TSPEAR: variants seen among roughly 807,000 people sequenced by gnomAD.
TSPEAR encodes the protein thrombospondin-type laminin G domain and EAR repeat-containing protein.
Under a neutral mutation model 71.6 loss-of-function variants are expected in TSPEAR, and 69 were observed. That is an observed-to-expected ratio of 0.96 (90% CI 0.79 to 1.18). The LOEUF is 1.18. Among genes scored for constraint, TSPEAR ranks in the 50% most tolerant of loss-of-function variants. The pLI is 0.00. For missense variants in TSPEAR, 971 were observed against 894.9 expected (o/e 1.09, Z -1.09); for synonymous variants, 402 against 387.2 (o/e 1.04, Z -0.45).
At chr21:44,617,453 C>T (rs1409647915) in intron 1 of TSPEAR, among the ~76,000 whole-genome samples, 2 of 152,252 alleles carry the variant, frequency 1.3e-5, no homozygotes, top group Non-Finnish European at 2.9e-5. Flanking sequence ...AAGTCCAGGA[C>T]AGCGTGGGGA....
intron 1 of TSPEAR, among the ~76,000 whole-genome samples, chr21:44,611,594 G>C (rs1263829712): frequency 3.3e-5 from 5 of 152,168 alleles, no homozygotes; most frequent in Admixed American, 6.5e-5. Context: ...GAACAGGTAG[G>C]GGTGGCAGGG....
chr21:44,707,277 A>G (rs1171149950), intron 1 of TSPEAR, among the ~76,000 whole-genome samples: 8 of 108,666 alleles, frequency 7.4e-5, no homozygotes, highest in African/African-American at 2.8e-4. Context: ...CACCAGGAAG[A>G]TGGGGGTGGG....
chr21:44,610,144 A>G (rs755525330), intron 1 of TSPEAR, among the ~76,000 whole-genome samples: 43 of 152,234 alleles, frequency 2.8e-4, no homozygotes, highest in Non-Finnish European at 5.3e-4. Flanking sequence ...TGACTATGCA[A>G]TAGAAAAGAA....
intron 1 of TSPEAR, among the ~76,000 whole-genome samples, chr21:44,637,158 G>T (rs1186950204): frequency 6.6e-6 from 1 of 152,192 alleles, no homozygotes; most frequent in Non-Finnish European, 1.5e-5. Context: ...GGCTCAGCCA[G>T]GGGCGCCGGT....
chr21:44,699,716 C>A (rs1297702458), intron 1 of TSPEAR, among the ~76,000 whole-genome samples: 1 of 152,190 alleles, frequency 6.6e-6, no homozygotes, highest in Non-Finnish European at 1.5e-5. Context: ...TCTCTATGTG[C>A]GTTCTCTCCC....
At chr21:44,517,831 T>G (rs1228109024) in intron 9 of TSPEAR, 1 of 471,140 alleles carries the variant, frequency 2.1e-6, no homozygotes, top group Non-Finnish European at 4.4e-6. Context: ...CTGTGTGCTT[T>G]GAAGGTAACT....
intron 1 of TSPEAR, chr21:44,657,894 C>A: frequency 7.5e-7 from 1 of 1,327,216 alleles, no homozygotes. Context: ...ACCCAGATGA[C>A]AGGACCCAGG....
At chr21:44,512,337 GGGGGTGGGGT>G (rs200106465) in intron 9 of TSPEAR, among the ~76,000 whole-genome samples, 1 of 150,600 alleles carries the variant, frequency 6.6e-6, no homozygotes, top group Non-Finnish European at 1.5e-5. Flanking sequence ...CAAGTGCTGT[GGGGGTGGGGT>G]GGGGTGGGTG....
chr21:44,627,665 A>AGTCTAGC, intron 1 of TSPEAR: 1 of 1,612,826 alleles, frequency 6.2e-7, no homozygotes, highest in South Asian at 1.1e-5. Context: ...TGCTGCCAAC[A>AGTCTAGC]GTCTAGCTGC....
At chr21:44,545,339 A>G (rs938541767) in intron 2 of TSPEAR, among the ~76,000 whole-genome samples, 2 of 151,996 alleles carry the variant, frequency 1.3e-5, no homozygotes, top group Non-Finnish European at 2.9e-5. Context: ...TGATTAATTA[A>G]TTAATTAAAA....
intron 1 of TSPEAR, chr21:44,637,867 C>G (rs587722247): frequency 6.5e-7 from 1 of 1,532,248 alleles, no homozygotes; most frequent in Admixed American, 1.9e-5. Flanking sequence ...GTGTGCCTGT[C>G]TGCTCTAAGT....
At chr21:44,551,535 T>G (rs2053440618) in intron 2 of TSPEAR, 2 of 1,531,544 alleles carry the variant, frequency 1.3e-6, no homozygotes, top group Non-Finnish European at 1.8e-6. Flanking sequence ...AGTGAGTGTG[T>G]GTGTGAGCCT....
intron 2 of TSPEAR, 129 bp downstream of exon 2, chr21:44,567,656 C>T (rs1240061069): frequency 1.3e-6 from 1 of 758,522 alleles, no homozygotes; most frequent in Non-Finnish European, 1.9e-6. Flanking sequence ...GCCAGCCACT[C>T]TTGATCCCAG....
At position 44,700,778 on chromosome 21, in the gene TSPEAR, C is replaced by T. The variant is rs151259323; in HGVS notation, c.82+10655G>A. On this transcript the variant is annotated intron_variant, in intron 1 of 11. Transcript: ENST00000323084. ...GGTGTCACTGTTAAGCCTGATACTG[C>T]CTCGTGGCCAATAAAAACAGTGGCT... is the stretch of plus-strand genomic sequence containing the variant. Among the ~76,000 whole-genome samples, 126 of 152,326 alleles carry T rather than the reference C, an allele frequency of 8.3e-4. 4 individuals carry two copies. In the East Asian group the frequency reaches 0.023, roughly 27 times the overall value.
In TSPEAR at chr21:44,606,289, C is replaced by T. The variant is rs77580348; in HGVS notation, c.83-38284G>A. Reference sequence around the variant, plus strand: ...TTTTTAAATGCTCAACATCACTAGTCATCAGGAAAATGCACATTGAAGATG... The same window carrying T: ...TTTTTAAATGCTCAACATCACTAGTTATCAGGAAAATGCACATTGAAGATG... On this transcript the variant is annotated intron_variant, in intron 1 of 11. Coordinates refer to ENST00000323084, the MANE Select transcript of TSPEAR (RefSeq NM_144991.3). Among the ~76,000 whole-genome samples, 1,448 of 152,048 alleles carry T rather than the reference C, an allele frequency of 9.5e-3. 18 individuals carry two copies. The highest frequency in any genetic ancestry group is 0.033 in the African/African-American group (1,386 of 41,462).
At chr21:44,569,689 T>G (rs587724825) in intron 1 of TSPEAR, among the ~76,000 whole-genome samples, 1 of 152,294 alleles carries the variant, frequency 6.6e-6, no homozygotes, top group African/African-American at 2.4e-5. Flanking sequence ...TGAGGAGGCT[T>G]TGCCGCTTCT....
At position 44,591,469 on chromosome 21, in the gene TSPEAR, G is replaced by A. The variant is rs782622952; in HGVS notation, c.83-23464C>T. 3.7e-6 allele frequency: 6 copies of A among 1,614,056 alleles called. No individual in the cohort carries two copies. In the Admixed American group the frequency reaches 6.7e-5, roughly 18 times the overall value. On this transcript the variant is annotated intron_variant, in intron 1 of 11. Coordinates refer to ENST00000323084, the MANE Select transcript of TSPEAR (RefSeq NM_144991.3). ...GGGGCGGCAGAGGAGGGAAACACAG[G>A]AGGCCGTGCGGCAGCAGCTGGGCTG...
intron 1 of TSPEAR, among the ~76,000 whole-genome samples, chr21:44,636,654 G>A (rs587600935): frequency 4.7e-4 from 72 of 152,130 alleles, no homozygotes; most frequent in Non-Finnish European, 7.9e-4. Flanking sequence ...CACTCTCCAC[G>A]CAACCCTCAC....
At chr21:44,647,448 C>G in intron 1 of TSPEAR, 15 of 1,410,734 alleles carry the variant, frequency 1.1e-5, no homozygotes, top group Non-Finnish European at 1.4e-5. Flanking sequence ...AATCCACCAG[C>G]TCCATCAGTA....
Sources: gnomAD v4.1 joint callset for allele counts (sites outside exome capture counted in the v4.1 genomes callset) on GRCh38, gnomAD v4.1.1 for gene constraint, MANE v1.5 for transcripts, NCBI Gene and HGNC (gene_info 2026-07-23, HGNC 2026-07-21) for gene names.